Variants in CDH13 observed in about 807,000 individuals in gnomAD.
The protein encoded by CDH13 is cadherin-13.
A neutral mutation model predicts 63.8 loss-of-function variants in CDH13; 24 were observed. The ratio of observed to expected loss-of-function variants is 0.38; its 90% CI spans 0.27 to 0.53. The LOEUF (loss-of-function observed/expected upper bound fraction) is 0.53, where lower values mean the gene tolerates loss of function less well. Among genes scored for constraint, CDH13 ranks in the 20% least tolerant of loss-of-function variants. CDH13 has a pLI of 0.85. For missense variants in CDH13, 1,049 were observed against 903.1 expected, an observed-to-expected ratio of 1.16 and a Z score of -2.07; for synonymous variants, 503 against 355.3, an observed-to-expected ratio of 1.42 and a Z score of -4.67.
chr16:83,365,435 TAA>T (rs2091241068), intron 6 of CDH13, among the ~76,000 whole-genome samples: 1 of 152,298 alleles, frequency 6.6e-6, no homozygotes, highest in African/African-American at 2.4e-5. Flanking sequence ...ACATCCAGAA[TAA>T]GAGTTGCCCA....
chr16:82,678,442 T>A (rs183204182), intron 1 of CDH13, among the ~76,000 whole-genome samples: 1 of 152,256 alleles, frequency 6.6e-6, no homozygotes, highest in East Asian at 1.9e-4. Flanking sequence ...GAATGTTCAC[T>A]TCTTAAGGGC....
At chr16:82,856,507 G>A (rs557954282) in intron 1 of CDH13, among the ~76,000 whole-genome samples, 5 of 151,450 alleles carry the variant, frequency 3.3e-5, no homozygotes, top group Admixed American at 2.6e-4. Flanking sequence ...TTTGAGAGCA[G>A]CCTGTGCAAC....
At chr16:82,872,134 T>C (rs1277027036) in intron 2 of CDH13, among the ~76,000 whole-genome samples, 4 of 152,242 alleles carry the variant, frequency 2.6e-5, no homozygotes, top group African/African-American at 9.6e-5. Flanking sequence ...AAGGTCCCAT[T>C]AAGTACTAAC....
At chr16:82,632,248 G>A (rs541866088) in intron 1 of CDH13, among the ~76,000 whole-genome samples, 18 of 152,220 alleles carry the variant, frequency 1.2e-4, no homozygotes, top group African/African-American at 4.3e-4. Flanking sequence ...TTTTGAGTTT[G>A]GGACCTCTGC....
In CDH13 at chr16:82,710,571, AT is replaced by A. The variant is rs1567650005; in HGVS notation, c.45+83435del. 7.3e-4 allele frequency among the ~76,000 whole-genome samples: 91 copies of A among 124,340 alleles called. 2 individuals are homozygous for A. Among genetic ancestry groups the A allele is most frequent in the African/African-American group, 2.5e-3 (90 of 36,136 alleles). 81.6% of individuals were successfully genotyped at this position (124,340 alleles called of 152,430 possible). A position where few individuals can be genotyped will look rare whatever the true frequency, so the allele number is the denominator to read the frequency against. On this transcript the variant is annotated intron_variant, in intron 1 of 13. Transcript: ENST00000567109. ...AAAAAAAATATATATATATATATAT[AT>A]ATATAAATATATTTCTATATTTATA...
At chr16:83,101,223 A>G (rs1007074186) in intron 3 of CDH13, among the ~76,000 whole-genome samples, 5 of 150,752 alleles carry the variant, frequency 3.3e-5, no homozygotes, top group Non-Finnish European at 4.4e-5. Context: ...ATATACATAC[A>G]TGCACATATA....
At chr16:83,357,640 G>A (rs1383988330) in intron 6 of CDH13, among the ~76,000 whole-genome samples, 5 of 152,102 alleles carry the variant, frequency 3.3e-5, no homozygotes, top group Admixed American at 1.3e-4. Flanking sequence ...GGCATCGAGC[G>A]GGCCAAGGTC....
intron 11 of CDH13, among the ~76,000 whole-genome samples, chr16:83,763,460 C>T (rs1233903166): frequency 2.6e-5 from 4 of 152,024 alleles, no homozygotes; most frequent in African/African-American, 9.7e-5. Flanking sequence ...TACTGAACTA[C>T]TGAATTTATA....
intron 11 of CDH13, among the ~76,000 whole-genome samples, chr16:83,773,604 C>A (rs952528240): frequency 6.6e-6 from 1 of 152,124 alleles, no homozygotes; most frequent in Admixed American, 6.6e-5. Context: ...GTGGGGATTA[C>A]AATTGGAGAT....
At chr16:82,713,352 A>T (rs2032103681) in intron 1 of CDH13, among the ~76,000 whole-genome samples, 1 of 152,128 alleles carries the variant, frequency 6.6e-6, no homozygotes, top group South Asian at 2.1e-4. Context: ...ATATCCATCA[A>T]GCCTGATTTG....
chr16:83,687,020 A>G (rs1013847833), intron 10 of CDH13, among the ~76,000 whole-genome samples: 1 of 152,022 alleles, frequency 6.6e-6, no homozygotes, highest in Admixed American at 6.6e-5. Flanking sequence ...GAACAGCCTG[A>G]CCAACATGGT....
At position 83,131,443 on chromosome 16, in the gene CDH13, A is replaced by C. The variant is rs375292215; in HGVS notation, c.483+5942A>C. On this transcript the variant is annotated intron_variant, in intron 4 of 13. Transcript: ENST00000567109. ...GACAGTGAGTGCTCTGGAGAGGAACATGCAGATCCCAAAGTGGCTTTTTCC... is the reference window on the plus strand; with the variant it reads ...GACAGTGAGTGCTCTGGAGAGGAACCTGCAGATCCCAAAGTGGCTTTTTCC... 3.2e-3 allele frequency among the ~76,000 whole-genome samples: 492 copies of C among 152,328 alleles called. 4 individuals carry two copies. In the Middle Eastern group the frequency reaches 0.037, roughly 12 times the overall value.
chr16:83,419,925 T>A (rs972015328), intron 6 of CDH13, among the ~76,000 whole-genome samples: 2 of 110,586 alleles, frequency 1.8e-5, no homozygotes, highest in Non-Finnish European at 4.1e-5. Flanking sequence ...TTTTTTTTTT[T>A]TTAAAAAAAA....
intron 1 of CDH13, among the ~76,000 whole-genome samples, chr16:82,757,931 G>T (rs2034680289): frequency 6.6e-6 from 1 of 152,194 alleles, no homozygotes; most frequent in East Asian, 1.9e-4. Flanking sequence ...TTACAGGCGT[G>T]AGTCACCGCA....
intron 1 of CDH13, among the ~76,000 whole-genome samples, chr16:82,761,177 C>T (rs1292453216): frequency 1.3e-5 from 2 of 151,642 alleles, no homozygotes; most frequent in African/African-American, 4.8e-5. Flanking sequence ...GCATGTGCTA[C>T]CACACCTGGC....
rs1405565861 is a variant in CDH13, at chr16:82,954,961, A to G, written c.158-77049A>G. Among the ~76,000 whole-genome samples the G allele has an allele frequency of 2.6e-5, 4 of 152,204 alleles. No homozygotes were observed. In the East Asian group the frequency reaches 5.8e-4, roughly 22 times the overall value. ...TTCATCCCTGTTGTAGCGTGTATCA[A>G]TACTTCAGTCTTTGCATTGCCAAAT... On this transcript the variant is annotated intron_variant, in intron 2 of 13. Transcript: ENST00000567109.
chr16:82,867,194 C>A (rs1406906190), intron 2 of CDH13, among the ~76,000 whole-genome samples: 1 of 152,170 alleles, frequency 6.6e-6, no homozygotes, highest in Non-Finnish European at 1.5e-5. Flanking sequence ...TGAGATCATA[C>A]TGCTTATAAT....
intron 1 of CDH13, among the ~76,000 whole-genome samples, chr16:82,720,152 T>C (rs2032673079): frequency 6.6e-6 from 1 of 152,120 alleles, no homozygotes; most frequent in South Asian, 2.1e-4. Context: ...CAATTTTTGG[T>C]GAATCAGTGA....
intron 7 of CDH13, among the ~76,000 whole-genome samples, chr16:83,546,979 C>A (rs578256971): frequency 1.3e-5 from 2 of 152,188 alleles, no homozygotes; most frequent in African/African-American, 4.8e-5. Context: ...ACCTCCGGTC[C>A]TGAACAGCCT....
Sources: gnomAD v4.1 joint callset for allele counts (sites outside exome capture counted in the v4.1 genomes callset) on GRCh38, gnomAD v4.1.1 for gene constraint, MANE v1.5 for transcripts, NCBI Gene and HGNC (gene_info 2026-07-23, HGNC 2026-07-21) for gene names.